The following PRKN variants were observed in gnomAD, a reference collection of about 807,000 sequenced individuals.
The protein encoded by PRKN is E3 ubiquitin-protein ligase parkin.
PRKN carries 56 observed loss-of-function variants against 59.5 expected under a neutral mutation model. The observed-to-expected ratio is 0.94, with a 90% CI of 0.76 to 1.18. The LOEUF (loss-of-function observed/expected upper bound fraction) is 1.18, where lower values mean the gene tolerates loss of function less well. Ranked by LOEUF, PRKN falls within the 50% of genes most tolerant of loss-of-function variation. The pLI, the probability that PRKN is intolerant of heterozygous loss-of-function variation, is 0.00. For synonymous variants in PRKN, 250 were observed against 222.1 expected, an observed-to-expected ratio of 1.13 and a Z score of -1.12; for missense variants, 657 against 596.4, an observed-to-expected ratio of 1.10 and a Z score of -1.06.
intron 4 of PRKN, among the ~76,000 whole-genome samples, chr6:162,131,596 C>T (rs1180165162): frequency 6.6e-6 from 1 of 152,080 alleles, no homozygotes; most frequent in East Asian, 1.9e-4. Flanking sequence ...TTTTCTGTGT[C>T]TTTAGATTCT....
intron 1 of PRKN, among the ~76,000 whole-genome samples, chr6:162,705,151 C>T (rs2128237514): frequency 6.6e-6 from 1 of 152,160 alleles, no homozygotes; most frequent in Non-Finnish European, 1.5e-5. Context: ...TGATGGAAAC[C>T]CTTCACACCT....
chr6:161,994,549 C>A, intron 5 of PRKN, among the ~76,000 whole-genome samples: 1 of 151,988 alleles, frequency 6.6e-6, no homozygotes, highest in East Asian at 1.9e-4. Flanking sequence ...TTGCAGACAA[C>A]ATGATCTTAT....
chr6:162,040,557 C>T (rs1332988768), intron 5 of PRKN, among the ~76,000 whole-genome samples: 1 of 150,186 alleles, frequency 6.7e-6, no homozygotes, highest in Non-Finnish European at 1.5e-5. Flanking sequence ...CAGGCGCCCA[C>T]CACCATGCCC....
At position 162,179,353 on chromosome 6, in the gene PRKN, T is replaced by G. The variant is rs537910849; in HGVS notation, c.534+21778A>C. On this transcript the variant is annotated intron_variant, in intron 4 of 11. Transcript: ENST00000366898. ...ATGCTGTGTCCACCTGAGGGGACGG[T>G]CCAGCATCTCTGTGCCATGGCAGAT... Among the ~76,000 whole-genome samples, 3 of 152,234 alleles carry G rather than the reference T, an allele frequency of 2.0e-5. 1 individual carries two copies. In the South Asian group the frequency reaches 6.2e-4, roughly 32 times the overall value.
intron 3 of PRKN, among the ~76,000 whole-genome samples, chr6:162,255,960 T>C (rs1354594825): frequency 1.3e-5 from 2 of 152,174 alleles, no homozygotes; most frequent in South Asian, 2.1e-4. Flanking sequence ...ACTGGGACTC[T>C]AGTGAGTTTA....
rs911595408 is a variant in PRKN, at chr6:161,549,815, A to C, written c.934-812T>G. Among the ~76,000 whole-genome samples, 1 of 152,238 alleles carries C rather than the reference A, an allele frequency of 6.6e-6. No homozygotes were observed. Among genetic ancestry groups the C allele is most frequent in the Non-Finnish European group, 1.5e-5 (1 of 68,050 alleles). On this transcript the variant is annotated intron_variant, in intron 8 of 11. Coordinates refer to ENST00000366898, the MANE Select transcript of PRKN (RefSeq NM_004562.3). The surrounding 1 kb of genome is among the most constrained non-coding windows in gnomAD (Gnocchi z 6.0). ...ATAATGCAACATTTATTGAGAGCCT[A>C]CTACATTCCAGACTCTATCGAGGCG...
rs1170409792 is a variant in PRKN at position 161,636,807 on chromosome 6, GT to G, written c.872-67392del. On this transcript the variant is annotated intron_variant, in intron 7 of 11. Coordinates refer to ENST00000366898, the MANE Select transcript of PRKN (RefSeq NM_004562.3). ...TACAGGCCTGTGGTCCACACAGGAT[GT>G]TTACAGGCTGTTTCAGAGCTTCAGT... Among the ~76,000 whole-genome samples, 7 of 152,256 alleles carry G rather than the reference GT, an allele frequency of 4.6e-5. No individual in the cohort carries two copies. In the East Asian group the frequency reaches 1.4e-3, roughly 29 times the overall value.
intron 1 of PRKN, among the ~76,000 whole-genome samples, chr6:162,468,273 T>C (rs1791535845): frequency 6.6e-6 from 1 of 152,214 alleles, no homozygotes. Context: ...AGAAGAGACA[T>C]GCTACAAATG....
intron 4 of PRKN, among the ~76,000 whole-genome samples, chr6:162,122,541 A>G (rs1370489829): frequency 6.6e-6 from 1 of 152,146 alleles, no homozygotes; most frequent in African/African-American, 2.4e-5. Flanking sequence ...GCTTCAGAAC[A>G]ATGAACTCAT....
chr6:161,506,265 G>T (rs1042126411), intron 9 of PRKN, among the ~76,000 whole-genome samples: 1 of 152,054 alleles, frequency 6.6e-6, no homozygotes, highest in East Asian at 1.9e-4. Context: ...TGGATTCCTA[G>T]GTATTTTATT....
intron 6 of PRKN, among the ~76,000 whole-genome samples, chr6:161,942,983 T>C (rs1347570235): frequency 6.6e-6 from 1 of 152,228 alleles, no homozygotes; most frequent in Non-Finnish European, 1.5e-5. Flanking sequence ...GAAAGAAATC[T>C]TTATTCTTAT....
rs540885190 is a variant in PRKN at position 161,882,571 on chromosome 6, G to A, written c.734+90731C>T. ...GAGTTTGGGAGTTAAACTGCATAAA[G>A]ATCAAACTCAGGCTTCTCAAGTTTC... On this transcript the variant is annotated intron_variant, in intron 6 of 11. Coordinates refer to ENST00000366898, the MANE Select transcript of PRKN (RefSeq NM_004562.3). 1.8e-4 allele frequency among the ~76,000 whole-genome samples: 28 copies of A among 152,324 alleles called. No homozygotes were observed. The South Asian group carries it at 4.3e-3, about 24-fold the overall frequency.
chr6:162,493,282 A>G (rs1410967576), intron 1 of PRKN, among the ~76,000 whole-genome samples: 1 of 152,196 alleles, frequency 6.6e-6, no homozygotes, highest in Non-Finnish European at 1.5e-5. Context: ...TTCTCCCTTT[A>G]TCCTTCCTGA....
At chr6:161,839,387 A>G (rs1792891192) in intron 6 of PRKN, among the ~76,000 whole-genome samples, 2 of 152,026 alleles carry the variant, frequency 1.3e-5, no homozygotes, top group African/African-American at 4.8e-5. Flanking sequence ...TAAGCAAATC[A>G]CTGGGAATTA....
intron 1 of PRKN, among the ~76,000 whole-genome samples, chr6:162,723,218 C>T (rs945099794): frequency 1.3e-5 from 2 of 152,196 alleles, no homozygotes; most frequent in Admixed American, 1.3e-4. Flanking sequence ...GGGTACATAG[C>T]AGGTGCTGGA....
chr6:161,880,989 C>T lies in PRKN; in HGVS notation c.734+92313G>A, dbSNP rs566624263. Among the ~76,000 whole-genome samples the T allele has an allele frequency of 6.6e-5, 10 of 152,228 alleles. No individual in the cohort carries two copies. In the South Asian group the frequency reaches 2.1e-3, roughly 32 times the overall value. ...CTAGTTATGTGGGGTTTGCTTTTTT[C>T]AGTTTCTAAGCTTTCATAGTTAAAG... is the stretch of plus-strand genomic sequence containing the variant. On this transcript the variant is annotated intron_variant, in intron 6 of 11. Coordinates refer to ENST00000366898, the MANE Select transcript of PRKN (RefSeq NM_004562.3).
chr6:162,223,657 AC>A (rs1778036247), intron 3 of PRKN, among the ~76,000 whole-genome samples: 1 of 77,182 alleles, frequency 1.3e-5, no homozygotes, highest in Non-Finnish European at 2.2e-5. Flanking sequence ...ACACACACAC[AC>A]ACAAACATAA....
In PRKN at chr6:162,443,376, C is replaced by T; in HGVS notation, c.105G>A (p.Gly35=). The T allele has an allele frequency of 6.2e-7, 1 of 1,613,796 alleles. No individual in the cohort carries two copies. The highest frequency in any genetic ancestry group is 8.5e-7 in the Non-Finnish European group (1 of 1,180,006). The change falls in exon 2 of 12, where the codon GGG becomes GGA. Residue 35 remains glycine, a synonymous_variant. Transcript: ENST00000366898. ...TCACACGCAACTGGTCAGCCGGAAC[C>T]CCCTGTCGCTTAGCAACCACCTCCT... ...QLKEVVAKRQ[G]VPADQLRVIF...
rs1784809729 is a variant in PRKN, at chr6:161,357,523, C to A, written c.1285+2565G>T. On this transcript the variant is annotated intron_variant, in intron 11 of 11. Transcript: ENST00000366898. The surrounding 1 kb of genome is among the most constrained non-coding windows in gnomAD (Gnocchi z 5.5). Reference sequence around the variant, plus strand: ...TGTTTAAGGATCCCCTTTCCCTCCCCACTGCAGACAGAGACCTGGCTGATT... The same window carrying A: ...TGTTTAAGGATCCCCTTTCCCTCCCAACTGCAGACAGAGACCTGGCTGATT... 6.6e-6 allele frequency among the ~76,000 whole-genome samples: 1 copy of A among 152,216 alleles called. No individual in the cohort carries two copies. The highest frequency in any genetic ancestry group is 2.4e-5 in the African/African-American group (1 of 41,450).
Sources: allele counts gnomAD v4.1 joint callset (sites outside exome capture counted in the v4.1 genomes callset), GRCh38; gene constraint gnomAD v4.1.1; non-coding constraint Gnocchi (gnomAD v3.1); transcripts MANE v1.5; gene names NCBI Gene and HGNC (gene_info 2026-07-23, HGNC 2026-07-21).